TEPSIN: variants seen among roughly 807,000 people sequenced by gnomAD.
TEPSIN encodes AP-4 complex accessory subunit tepsin.
Under a neutral mutation model 48.5 loss-of-function variants are expected in TEPSIN, and 50 were observed. The ratio of observed to expected loss-of-function variants is 1.03; its 90% CI spans 0.82 to 1.31. TEPSIN has a LOEUF of 1.31. TEPSIN is among the 50% of genes most tolerant of loss of function. TEPSIN has a pLI of 0.00. For synonymous variants in TEPSIN, 392 were observed against 358.8 expected, an observed-to-expected ratio of 1.09 and a Z score of -1.05; for missense variants, 838 against 815.9, an observed-to-expected ratio of 1.03 and a Z score of -0.33.
chr17:81,231,178 ACACCG>A, intron 11 of TEPSIN: 1 of 594,992 alleles, frequency 1.7e-6, no homozygotes, highest in Non-Finnish European at 3.0e-6. Context: ...AAGTGTGTAC[ACACCG>A]CACACATGCA....
At position 81,233,574 on chromosome 17, in the gene TEPSIN, C is replaced by G. The variant is rs1200023446; in HGVS notation, c.454+64G>C. 12 of 1,568,208 alleles carry G rather than the reference C, an allele frequency of 7.7e-6. 1 individual carries two copies. Among genetic ancestry groups the G allele is most frequent in the African/African-American group, 5.4e-5 (4 of 74,390 alleles). On this transcript the variant is annotated intron_variant, in intron 6 of 12. Coordinates refer to ENST00000637944, the MANE Select transcript of TEPSIN (RefSeq NM_001363764.2). The surrounding 1 kb of genome is among the most constrained non-coding windows in gnomAD (Gnocchi z 5.8). ...CCCTGCCCACGGATGGCACAGACAC[C>G]CAGGACACTCAAGGAGGCAGAAACC...
chr17:81,231,006 C>A, intron 11 of TEPSIN: 1 of 501,556 alleles, frequency 2.0e-6, no homozygotes, highest in Non-Finnish European at 3.5e-6. Flanking sequence ...ACCTGCTGCC[C>A]CGATTGCCTT....
At chr17:81,231,752 C>A in intron 9 of TEPSIN, 61 bp from the exon 10 acceptor site, 1 of 1,607,724 alleles carries the variant, frequency 6.2e-7, no homozygotes, top group South Asian at 1.1e-5. Flanking sequence ...TCCTGTCTCG[C>A]ATGGGGGAGA....
Position 81,236,737 on chromosome 17 carries a change from C to T in TEPSIN, c.278G>A (p.Arg93His), listed in dbSNP as rs777262244. 14 of 1,571,182 alleles carry T rather than the reference C, an allele frequency of 8.9e-6. No individual in the cohort carries two copies. Among genetic ancestry groups the T allele is most frequent in the African/African-American group, 2.7e-5 (2 of 73,782 alleles). The part of the protein sequence containing the change: ...GSSFFLLILK[R>H]NSAFIQEAAA... Reference sequence around the variant, plus strand: ...AGCTTCCTGGATGAAGGCAGAGTTGCGTTTGAGGATGAGCAGGAAGAAGGA... The same window carrying T: ...AGCTTCCTGGATGAAGGCAGAGTTGTGTTTGAGGATGAGCAGGAAGAAGGA... The change falls in exon 4 of 13, where the codon CGC becomes CAC. Residue 93 changes from arginine (R) to histidine (H), a missense_variant. Coordinates refer to ENST00000637944, the MANE Select transcript of TEPSIN (RefSeq NM_001363764.2).
At position 81,238,603 on chromosome 17, in the gene TEPSIN, A is replaced by T. The variant is rs545743704; in HGVS notation, c.48+383T>A. 49 of 1,096,186 alleles carry T rather than the reference A, an allele frequency of 4.5e-5. No homozygotes were observed. In the African/African-American group the frequency reaches 7.7e-4, roughly 17 times the overall value. The allele number at this position is 1,096,186 out of a possible 1,614,324, so 67.9% of individuals were successfully genotyped here. ...CAGGACCGGAGTCCTCTGAAACGCC[A>T]CCGTCAGGGAGGACGGCGGGCTGCC... On this transcript the variant is annotated intron_variant, in intron 1 of 12. Coordinates refer to ENST00000637944, the MANE Select transcript of TEPSIN (RefSeq NM_001363764.2).
rs907118035 is a variant in TEPSIN at position 81,231,243 on chromosome 17, GCACA to G, written c.1098+151_1098+154del. On this transcript the variant is annotated intron_variant, in intron 11 of 12. Coordinates refer to ENST00000637944, the MANE Select transcript of TEPSIN (RefSeq NM_001363764.2). Reference sequence around the variant, plus strand: ...CATACACAGGCATACACACCCACACGCACACACACAGGCATGTGCGCACGCACAG... The same window carrying G: ...CATACACAGGCATACACACCCACACGCACACAGGCATGTGCGCACGCACAG... The G allele has an allele frequency of 4.5e-4, 334 of 737,872 alleles. No homozygotes were observed. In the African/African-American group the frequency reaches 5.3e-3, roughly 12 times the overall value. 45.7% of individuals were successfully genotyped at this position (737,872 alleles called of 1,614,324 possible). A position where few individuals can be genotyped will look rare whatever the true frequency, so the allele number is the denominator to read the frequency against.
chr17:81,236,738 G>C lies in TEPSIN; in HGVS notation c.277C>G (p.Arg93Gly), dbSNP rs375320091. 6.4e-6 allele frequency: 10 copies of C among 1,571,762 alleles called. No homozygotes were observed. The African/African-American group carries it at 1.2e-4, about 19-fold the overall frequency. Residue 93 changes from arginine to glycine, a missense_variant, in exon 4 of 13, where the codon CGC becomes GGC. By Grantham distance (125) the Arg-to-Gly change is moderately radical (BLOSUM62 -2). Transcript: ENST00000637944. ...GSSFFLLILK[R>G]NSAFIQEAAA... is the part of the protein sequence containing the mutation. ...GCTTCCTGGATGAAGGCAGAGTTGCGTTTGAGGATGAGCAGGAAGAAGGAG... is the reference window on the plus strand; with the variant it reads ...GCTTCCTGGATGAAGGCAGAGTTGCCTTTGAGGATGAGCAGGAAGAAGGAG...
In TEPSIN at chr17:81,236,804, G is replaced by C. The variant is rs1012794750; in HGVS notation, c.214-3C>G. 1 of 1,561,424 alleles carries C rather than the reference G, an allele frequency of 6.4e-7. No homozygotes were observed. Among genetic ancestry groups the C allele is most frequent in the Non-Finnish European group, 8.7e-7 (1 of 1,153,656 alleles). On this transcript the variant is annotated splice_region_variant and splice_polypyrimidine_tract_variant and intron_variant, in intron 3 of 12. Transcript: ENST00000637944. Reference sequence around the variant, plus strand: ...AGATAGAGCAGGATCTTCAGCACCTGGGGAGTGGGGCGGTCAGCAGTGCTG... The same window carrying C: ...AGATAGAGCAGGATCTTCAGCACCTCGGGAGTGGGGCGGTCAGCAGTGCTG...
Position 81,228,820 on chromosome 17 carries a change from A to G in TEPSIN, c.*108T>C. ...GAGGTAGCCCTAGGGTCGTCCTCTC[A>G]AGTCAAGCTGCCTGGAGACTGTAGC... On this transcript the variant is annotated 3_prime_UTR_variant, in exon 13 of 13. Transcript: ENST00000637944. 7.1e-7 allele frequency: 1 copy of G among 1,412,230 alleles called. No homozygotes were observed. The highest frequency in any genetic ancestry group is 9.7e-7 in the Non-Finnish European group (1 of 1,034,738). The allele number at this position is 1,412,230 out of a possible 1,614,324, so 87.5% of individuals were successfully genotyped here. A position where few individuals can be genotyped will look rare whatever the true frequency, so the allele number is the denominator to read the frequency against.
chr17:81,233,995 G>A lies in TEPSIN; in HGVS notation c.361C>T (p.Arg121Cys), dbSNP rs146117977. ...LHGNSLYQKV[R>C]AAAQDLGSTL... ...CCTGGGCTCACCTGCGCGGCCGCGC[G>A]AACCTTCTGGTACAAGCTGTTCCCG... The change falls in exon 5 of 13, where the codon CGC (arginine) becomes TGC (cysteine). Residue 121 changes from arginine to cysteine, a missense_variant. Coordinates refer to ENST00000637944, the MANE Select transcript of TEPSIN (RefSeq NM_001363764.2). The surrounding 1 kb of genome is among the most constrained non-coding windows in gnomAD (Gnocchi z 5.8). The A allele has an allele frequency of 2.8e-4, 448 of 1,599,442 alleles. No homozygotes were observed. The highest frequency in any genetic ancestry group is 3.6e-4 in the Non-Finnish European group (424 of 1,175,914).
Position 81,230,864 on chromosome 17 carries a change from C to G in TEPSIN, c.1099-186G>C. 1.4e-6 allele frequency: 1 copy of G among 698,750 alleles called. No individual in the cohort carries two copies. Among genetic ancestry groups the G allele is most frequent in the East Asian group, 3.0e-5 (1 of 33,126 alleles). The allele number at this position is 698,750 out of a possible 1,614,324, so 43.3% of individuals were successfully genotyped here. On this transcript the variant is annotated intron_variant, in intron 11 of 12. Transcript: ENST00000637944. The surrounding 1 kb of genome is among the most constrained non-coding windows in gnomAD (Gnocchi z 4.2). ...ACACCCCGGATCCCAGACACCACAG[C>G]CCTGTCCTCACCACCTTACACCCCC... is the stretch of plus-strand genomic sequence containing the variant.
In TEPSIN at chr17:81,232,365, C is replaced by A. The variant is rs536103895; in HGVS notation, c.680G>T (p.Gly227Val). Reference sequence around the variant, plus strand: ...GAGTAGGTTCCCCAGGGTTGGGGGACCGTGGCTGGCTGAAGGCATCATGGC... The same window carrying A: ...GAGTAGGTTCCCCAGGGTTGGGGGAACGTGGCTGGCTGAAGGCATCATGGC... ...QPAMMPSASH[G>V]PPTLGNLLPG... The change falls in exon 8 of 13, where the codon GGT becomes GTT. Residue 227 changes from glycine to valine, a missense_variant. Physicochemically the swap from Gly to Val is moderately radical, Grantham distance 109. Transcript: ENST00000637944. The A allele has an allele frequency of 1.8e-5, 28 of 1,535,322 alleles. No homozygotes were observed. The highest frequency in any genetic ancestry group is 2.4e-5 in the Non-Finnish European group (28 of 1,146,422).
chr17:81,228,950 G>T lies in TEPSIN; in HGVS notation c.1760C>A (p.Ala587Asp). The T allele has an allele frequency of 1.9e-6, 3 of 1,613,742 alleles. No homozygotes were observed. The highest frequency in any genetic ancestry group is 2.5e-6 in the Non-Finnish European group (3 of 1,180,030). The part of the protein sequence containing the change: ...AKEPPGSEPS[A>D]FAFLNA ...GGGTCAGGCGTTCAGGAACGCGAAA[G>T]CTGACGGCTCTGAGCCAGGAGGCTC... The change falls in exon 13 of 13, where the codon GCT (alanine) becomes GAT (aspartate). Residue 587 changes from alanine to aspartate, a missense_variant. Transcript: ENST00000637944.
intron 1 of TEPSIN, chr17:81,238,395 C>T (rs1025784464): frequency 3.7e-6 from 1 of 266,820 alleles, no homozygotes; most frequent in Non-Finnish European, 5.8e-6. Context: ...CACCCAGCCC[C>T]CTCTGAGGTC....
In TEPSIN at chr17:81,233,391, A is replaced by G; in HGVS notation, c.526+41T>C. On this transcript the variant is annotated intron_variant, in intron 7 of 12. Transcript: ENST00000637944. This position sits in a 1 kb window ranked among gnomAD's most constrained non-coding sequence, Gnocchi z 5.8. ...GCCCCCACCACCTCCTCATCCCCAC[A>G]CCCTGAGATGCCAGAGCCCATGCAG... 1 of 1,601,108 alleles carries G rather than the reference A, an allele frequency of 6.2e-7. No homozygotes were observed. Among genetic ancestry groups the G allele is most frequent in the East Asian group, 2.2e-5 (1 of 44,596 alleles).
chr17:81,229,133 C>T lies in TEPSIN; in HGVS notation c.1577G>A (p.Arg526Lys), dbSNP rs752507465. 1 of 1,612,988 alleles carries T rather than the reference C, an allele frequency of 6.2e-7. No homozygotes were observed. The highest frequency in any genetic ancestry group is 8.5e-7 in the Non-Finnish European group (1 of 1,179,810). The change falls in exon 13 of 13, where the codon AGA (arginine) becomes AAA (lysine). Residue 526 changes from arginine to lysine, a missense_variant. Transcript: ENST00000637944. ...RIPGGTDSPK[R>K]GPSSCAWSRD... Reference sequence around the variant, plus strand: ...GCTCCACGCACAGCTGCTGGGGCCTCTCTTTGGGCTGTCCGTGCCCCCTGG... The same window carrying T: ...GCTCCACGCACAGCTGCTGGGGCCTTTCTTTGGGCTGTCCGTGCCCCCTGG...
At chr17:81,236,141 A>G (rs2062716180) in intron 4 of TEPSIN, among the ~76,000 whole-genome samples, 1 of 152,206 alleles carries the variant, frequency 6.6e-6, no homozygotes, top group South Asian at 2.1e-4. Flanking sequence ...GCAGAGGCAC[A>G]TGGGACTGCC....
chr17:81,236,659 C>A (rs1452334706), intron 4 of TEPSIN, 49 bp downstream of exon 4: 5 of 1,524,128 alleles, frequency 3.3e-6, no homozygotes, highest in Non-Finnish European at 4.4e-6. Context: ...CACCCTCCCC[C>A]ATTCTCCAAA....
At chr17:81,232,648 A>C in intron 7 of TEPSIN, 130 bp from the exon 8 acceptor site, 1 of 856,368 alleles carries the variant, frequency 1.2e-6, no homozygotes, top group East Asian at 2.7e-5. Flanking sequence ...GCAGGTAGGG[A>C]GGCCTCCTGG....
Sources: gnomAD v4.1 joint callset for allele counts (sites outside exome capture counted in the v4.1 genomes callset) on GRCh38, gnomAD v4.1.1 for gene constraint, Gnocchi (gnomAD v3.1) non-coding constraint, MANE v1.5 for transcripts, NCBI Gene and HGNC (gene_info 2026-07-23, HGNC 2026-07-21) for gene names.